PPFIA3: variants seen among roughly 807,000 people sequenced by gnomAD.
PPFIA3 encodes the protein PPFI scaffold protein A3, also known as liprin-alpha-3.
PPFIA3 carries 26 observed loss-of-function variants against 145.8 expected under a neutral mutation model. The ratio of observed to expected loss-of-function variants is 0.18; its 90% CI spans 0.13 to 0.25. PPFIA3 has a LOEUF of 0.25. PPFIA3 is among the 10% of genes least tolerant of loss of function. The pLI is 1.00. For synonymous variants in PPFIA3, 645 were observed against 661.4 expected, an observed-to-expected ratio of 0.98 and a Z score of 0.38; for missense variants, 1,008 against 1,587.8, an observed-to-expected ratio of 0.63 and a Z score of 6.21.
intron 1 of PPFIA3, chr19:49,125,512 TC>T (rs2040986484): frequency 6.6e-6 from 1 of 152,448 alleles, no homozygotes; most frequent in Admixed American, 6.5e-5. Context: ...GGGACCCAAG[TC>T]CAGGCTTCCC....
chr19:49,143,449 T>C (rs2041247589), intron 21 of PPFIA3, among the ~76,000 whole-genome samples: 1 of 152,202 alleles, frequency 6.6e-6, no homozygotes, highest in African/African-American at 2.4e-5. Flanking sequence ...CTCCGCTCAC[T>C]GCAACCCCTG....
chr19:49,148,623 G>T, intron 24 of PPFIA3, 43 bp from the exon 25 acceptor site: 1 of 1,478,480 alleles, frequency 6.8e-7, no homozygotes, highest in South Asian at 1.2e-5. Flanking sequence ...CAGTCTAGGG[G>T]ACTGGAAAGC....
In PPFIA3 at chr19:49,120,127, C is replaced by T. The variant is rs1474666695; in HGVS notation, c.-16+405C>T. Among the ~76,000 whole-genome samples the T allele has an allele frequency of 6.6e-6, 1 of 152,130 alleles. No individual in the cohort carries two copies. Among genetic ancestry groups the T allele is most frequent in the Non-Finnish European group, 1.5e-5 (1 of 68,006 alleles). Reference sequence around the variant, plus strand: ...TCCCGTCGCCAGCCTCGGGCTTGCACAGCCGGCTGCGTCCCACGGTCCAGG... The same window carrying T: ...TCCCGTCGCCAGCCTCGGGCTTGCATAGCCGGCTGCGTCCCACGGTCCAGG... On this transcript the variant is annotated intron_variant, in intron 1 of 29. Transcript: ENST00000334186. The surrounding 1 kb of genome is among the most constrained non-coding windows in gnomAD (Gnocchi z 4.6).
rs2041058029 is a variant in PPFIA3, at chr19:49,130,628, T to C, written c.879+29T>C. On this transcript the variant is annotated intron_variant, in intron 7 of 29. Transcript: ENST00000334186. The surrounding 1 kb of genome is among the most constrained non-coding windows in gnomAD (Gnocchi z 4.5). ...AGGCCCCCAGGGAGGCGGGCTGCCC[T>C]GGGTCCCTCGCCTTTCCGTAGAGCT... The C allele has an allele frequency of 2.6e-6, 4 of 1,537,590 alleles. No homozygotes were observed. The highest frequency in any genetic ancestry group is 3.5e-6 in the Non-Finnish European group (4 of 1,139,414).
intron 15 of PPFIA3, 94 bp downstream of exon 15, chr19:49,137,005 C>A (rs930141292): frequency 1.7e-6 from 2 of 1,175,316 alleles, no homozygotes; most frequent in African/African-American, 3.1e-5. Flanking sequence ...GAGTCCGTCT[C>A]CTCTTACACC....
At position 49,133,659 on chromosome 19, in the gene PPFIA3, G is replaced by T; in HGVS notation, c.1162-137G>T. ...AAAAAGTGGACTAGGCGCAGGGGCG[G>T]GGCCTGACTCAAAGGTGCAGGGGAG... On this transcript the variant is annotated intron_variant, in intron 9 of 29. Coordinates refer to ENST00000334186, the MANE Select transcript of PPFIA3 (RefSeq NM_003660.4). This position sits in a 1 kb window ranked among gnomAD's most constrained non-coding sequence, Gnocchi z 7.2. 1.0e-6 allele frequency: 1 copy of T among 997,296 alleles called. No individual in the cohort carries two copies. Among genetic ancestry groups the T allele is most frequent in the Non-Finnish European group, 1.6e-6 (1 of 644,832 alleles). The allele number at this position is 997,296 out of a possible 1,614,324, so 61.8% of individuals were successfully genotyped here.
rs34793375 is a variant in PPFIA3, at chr19:49,132,009, C to CAA, written c.880-972_880-971dup. 9.8e-3 allele frequency among the ~76,000 whole-genome samples: 685 copies of CAA among 69,782 alleles called. 14 individuals are homozygous for CAA. The highest frequency in any genetic ancestry group is 0.036 in the Admixed American group (228 of 6,272). The allele number at this position is 69,782 out of a possible 152,430, so 45.8% of individuals were successfully genotyped here. A position where few individuals can be genotyped will look rare whatever the true frequency, so the allele number is the denominator to read the frequency against. On this transcript the variant is annotated intron_variant, in intron 7 of 29. Coordinates refer to ENST00000334186, the MANE Select transcript of PPFIA3 (RefSeq NM_003660.4). ...CGGGCAACAGAGCGAGACTCCGTCT[C>CAA]AAAAAAAAAAAAAAAAAAAAAGTTG... is the stretch of plus-strand genomic sequence containing the variant.
rs766787592 is a variant in PPFIA3 at position 49,149,531 on chromosome 19, C to T, written c.3355-16C>T. On this transcript the variant is annotated splice_polypyrimidine_tract_variant and intron_variant, in intron 27 of 29. Transcript: ENST00000334186. This position sits in a 1 kb window ranked among gnomAD's most constrained non-coding sequence, Gnocchi z 5.7. The stretch of plus-strand genomic sequence containing the variant: ...AGGCAGGAGTCCCTCACCGGCTGTC[C>T]GGCTCCTATACCTAGGACAGCGCCA... The T allele has an allele frequency of 1.4e-5, 22 of 1,613,870 alleles. No individual in the cohort carries two copies. The highest frequency in any genetic ancestry group is 1.7e-5 in the Non-Finnish European group (20 of 1,179,916).
chr19:49,146,782 T>C (rs1248234707), intron 23 of PPFIA3, among the ~76,000 whole-genome samples: 1 of 151,882 alleles, frequency 6.6e-6, no homozygotes. Context: ...ATACAAAAAT[T>C]AGCCGGGTGC....
chr19:49,149,171 G>T lies in PPFIA3; in HGVS notation c.3285+3G>T, dbSNP rs777664738. On this transcript the variant is annotated splice_donor_region_variant and intron_variant, in intron 26 of 29. Transcript: ENST00000334186. The surrounding 1 kb of genome is among the most constrained non-coding windows in gnomAD (Gnocchi z 5.7). ...AGATCCCCACGCAGAATGCACAGGT[G>T]AGCTGCCGCTGGGCCCGGAGCATGC... 1.6e-5 allele frequency: 26 copies of T among 1,613,754 alleles called. No individual in the cohort carries two copies. The highest frequency in any genetic ancestry group is 2.1e-5 in the Non-Finnish European group (25 of 1,179,898).
rs746274718 is a variant in PPFIA3, at chr19:49,149,036, C to T, written c.3153C>T (p.Ser1051=). 1.2e-6 allele frequency: 2 copies of T among 1,614,066 alleles called. No individual in the cohort carries two copies. Among genetic ancestry groups the T allele is most frequent in the East Asian group, 4.5e-5 (2 of 44,874 alleles). The change falls in exon 26 of 30, where the codon TCC becomes TCT. Residue 1051 remains serine (S), a synonymous_variant. Transcript: ENST00000334186. The surrounding 1 kb of genome is among the most constrained non-coding windows in gnomAD (Gnocchi z 5.7). Reference sequence around the variant, plus strand: ...ATGAGCGGGTCATGGGTTGGGTGTCCGGGCTGGGCCTGAAGGAATTTGCCA... The same window carrying T: ...ATGAGCGGGTCATGGGTTGGGTGTCTGGGCTGGGCCTGAAGGAATTTGCCA... ...WSNERVMGWV[S]GLGLKEFATN... is the part of the protein sequence containing the mutation.
At chr19:49,145,252 G>C (rs1325720525) in intron 21 of PPFIA3, among the ~76,000 whole-genome samples, 1 of 151,866 alleles carries the variant, frequency 6.6e-6, no homozygotes, top group African/African-American at 2.4e-5. Flanking sequence ...GGTTTCTCCA[G>C]GTTGGCCAGG....
chr19:49,124,355 G>A (rs566516082), intron 1 of PPFIA3, among the ~76,000 whole-genome samples: 1 of 152,144 alleles, frequency 6.6e-6, no homozygotes, highest in East Asian at 1.9e-4. Flanking sequence ...CACCGCGCCT[G>A]GCCCCCTGCT....
At chr19:49,127,383 T>TAAA (rs34030131) in intron 1 of PPFIA3, among the ~76,000 whole-genome samples, 62 of 28,590 alleles carry the variant, frequency 2.2e-3, no homozygotes, top group Non-Finnish European at 3.5e-3. Context: ...TCACTCCAGC[T>TAAA]AAAAAAAAAA....
intron 1 of PPFIA3, 23 bp from the exon 2 acceptor site, chr19:49,127,836 T>C (rs748520195): frequency 6.3e-7 from 1 of 1,587,806 alleles, no homozygotes; most frequent in East Asian, 2.3e-5. Context: ...GCCGGTCTGT[T>C]CCTTGCCCTC....
Position 49,128,327 on chromosome 19 carries a change from G to C in PPFIA3, c.241-40G>C, listed in dbSNP as rs746983237. On this transcript the variant is annotated intron_variant, in intron 2 of 29. Coordinates refer to ENST00000334186, the MANE Select transcript of PPFIA3 (RefSeq NM_003660.4). The surrounding 1 kb of genome is among the most constrained non-coding windows in gnomAD (Gnocchi z 4.1). ...CAGTGAATGAAGGAGACAGGGAAAG[G>C]ATTGAGCCGAATGTCCAGATCCTGC... 1.9e-6 allele frequency: 3 copies of C among 1,605,598 alleles called. No individual in the cohort carries two copies. Among genetic ancestry groups the C allele is most frequent in the Non-Finnish European group, 1.7e-6 (2 of 1,172,398 alleles).
At chr19:49,126,248 G>A (rs183281515) in intron 1 of PPFIA3, among the ~76,000 whole-genome samples, 3 of 149,388 alleles carry the variant, frequency 2.0e-5, no homozygotes, top group Non-Finnish European at 4.5e-5. Context: ...TTGCCCGGCC[G>A]TTACTGTGTT....
intron 14 of PPFIA3, 81 bp downstream of exon 14, chr19:49,136,004 C>G: frequency 1.4e-6 from 2 of 1,394,424 alleles, no homozygotes; most frequent in Non-Finnish European, 1.9e-6. Flanking sequence ...CTGTGGGGCT[C>G]CGGGAGGAAG....
rs1035542082 is a variant in PPFIA3 at position 49,133,622 on chromosome 19, G to A, written c.1162-174G>A. Among the ~76,000 whole-genome samples the A allele has an allele frequency of 9.5e-4, 144 of 152,234 alleles. No individual in the cohort carries two copies. The highest frequency in any genetic ancestry group is 2.6e-4 in the Non-Finnish European group (18 of 67,996). On this transcript the variant is annotated intron_variant, in intron 9 of 29. Transcript: ENST00000334186. The surrounding 1 kb of genome is among the most constrained non-coding windows in gnomAD (Gnocchi z 7.2). ...GGTGGCCTGGAACCTGAGAGGGAAGGAACAGGTCCTGAAAAAGTGGACTAG... is the reference window on the plus strand; with the variant it reads ...GGTGGCCTGGAACCTGAGAGGGAAGAAACAGGTCCTGAAAAAGTGGACTAG...
Sources: gnomAD v4.1 joint callset for allele counts (sites outside exome capture counted in the v4.1 genomes callset) on GRCh38, gnomAD v4.1.1 for gene constraint, Gnocchi (gnomAD v3.1) non-coding constraint, MANE v1.5 for transcripts, NCBI Gene and HGNC (gene_info 2026-07-23, HGNC 2026-07-21) for gene names.